ABCC4: variants seen among roughly 807,000 people sequenced by gnomAD.
ABCC4 encodes the protein ATP binding cassette subfamily C member 4 (PEL blood group).
Under a neutral mutation model 168.5 loss-of-function variants are expected in ABCC4, and 102 were observed. The observed-to-expected ratio is 0.61, with a 90% confidence interval of 0.52 to 0.71. ABCC4 has a LOEUF of 0.71. ABCC4 is among the 30% of genes least tolerant of loss of function. The pLI, the probability that ABCC4 is intolerant of heterozygous loss-of-function variation, is 0.00. For synonymous variants in ABCC4, 617 were observed against 590.7 expected (o/e 1.04, Z -0.65); for missense variants, 1,402 against 1,605.8 (o/e 0.87, Z 2.17).
At chr13:95,148,794 A>T (rs2036581863) in intron 19 of ABCC4, 1 of 152,178 alleles carries the variant, frequency 6.6e-6, no homozygotes, top group African/African-American at 2.4e-5. Context: ...TTTATCCAAA[A>T]ATGATGAGGT....
intron 19 of ABCC4, among the ~76,000 whole-genome samples, chr13:95,156,073 G>A (rs2036843872): frequency 6.6e-6 from 1 of 152,096 alleles, no homozygotes; most frequent in Admixed American, 6.6e-5. Flanking sequence ...TATGCTTCAG[G>A]AATTAAAATG....
rs116914720 is a variant in ABCC4 at position 95,233,741 on chromosome 13, A to G, written c.531+869T>C. Among the ~76,000 whole-genome samples the G allele has an allele frequency of 8.8e-3, 1,339 of 152,342 alleles. 9 individuals carry two copies. Among genetic ancestry groups the G allele is most frequent in the Non-Finnish European group, 0.014 (976 of 68,034 alleles). On this transcript the variant is annotated intron_variant, in intron 4 of 30. Transcript: ENST00000645237. ...TTATATACAAATACTATGCCACTTT[A>G]TATCAAGGACTTAAGCATCCTCCAA...
chr13:95,032,188 G>C (rs924984324), intron 30 of ABCC4, among the ~76,000 whole-genome samples: 3 of 152,176 alleles, frequency 2.0e-5, no homozygotes, highest in African/African-American at 7.2e-5. Flanking sequence ...TCAGAACACA[G>C]ATTTTTGTCG....
At chr13:95,093,455 C>A (rs1050684839) in intron 20 of ABCC4, among the ~76,000 whole-genome samples, 1 of 152,108 alleles carries the variant, frequency 6.6e-6, no homozygotes, top group Non-Finnish European at 1.5e-5. Flanking sequence ...ATAATCATCT[C>A]AATAGATGCA....
intron 24 of ABCC4, among the ~76,000 whole-genome samples, chr13:95,072,392 C>T (rs1751040): frequency 0.88 from 134,387 of 152,018 alleles, 60,064 homozygotes; most frequent in Non-Finnish European, 0.95. Flanking sequence ...ACCCGGGAGG[C>T]GGAGGTTGCA....
intron 14 of ABCC4, among the ~76,000 whole-genome samples, chr13:95,169,624 C>G (rs539584982): frequency 2.0e-5 from 3 of 152,170 alleles, no homozygotes; most frequent in Non-Finnish European, 4.4e-5. Context: ...CCTCAAGTCC[C>G]AGCGAGGCAA....
chr13:95,228,877 T>C (rs1024986175), intron 4 of ABCC4, among the ~76,000 whole-genome samples: 3 of 150,836 alleles, frequency 2.0e-5, no homozygotes, highest in Non-Finnish European at 4.4e-5. Context: ...CTGGGCAACA[T>C]AGGGAGACCC....
intron 25 of ABCC4, 80 bp from the exon 26 acceptor site, chr13:95,062,939 C>A: frequency 6.7e-7 from 1 of 1,500,170 alleles, no homozygotes; most frequent in South Asian, 1.3e-5. Context: ...AGAAAACTTT[C>A]GGTTTTTGAA....
At chr13:95,123,817 C>T (rs1298325251) in intron 19 of ABCC4, among the ~76,000 whole-genome samples, 2 of 152,232 alleles carry the variant, frequency 1.3e-5, no homozygotes, top group African/African-American at 4.8e-5. Flanking sequence ...ATGAGGAAGG[C>T]ACAACAGCAG....
intron 3 of ABCC4, among the ~76,000 whole-genome samples, chr13:95,245,411 G>A (rs554991810): frequency 3.9e-5 from 6 of 152,178 alleles, no homozygotes; most frequent in African/African-American, 7.2e-5. Context: ...AGCCAAACTG[G>A]GCCAGGAAAT....
chr13:95,074,649 C>T (rs1187776794), intron 22 of ABCC4, among the ~76,000 whole-genome samples: 3 of 152,134 alleles, frequency 2.0e-5, no homozygotes, highest in Admixed American at 6.5e-5. Context: ...GTGAAGTCCA[C>T]CCACACACAT....
At chr13:95,100,994 G>C (rs961199810) in intron 20 of ABCC4, among the ~76,000 whole-genome samples, 1 of 152,104 alleles carries the variant, frequency 6.6e-6, no homozygotes, top group Non-Finnish European at 1.5e-5. Flanking sequence ...ACAAGTCAAG[G>C]CAGTTCCACT....
chr13:95,133,921 T>G (rs1360556938), intron 19 of ABCC4, among the ~76,000 whole-genome samples: 1 of 152,198 alleles, frequency 6.6e-6, no homozygotes, highest in Non-Finnish European at 1.5e-5. Context: ...TCAATATTCT[T>G]GATCCCCACT....
At chr13:95,035,626 C>A (rs2032089015) in intron 29 of ABCC4, among the ~76,000 whole-genome samples, 1 of 152,136 alleles carries the variant, frequency 6.6e-6, no homozygotes, top group African/African-American at 2.4e-5. Flanking sequence ...CTTTTAGCTG[C>A]TTTATTGCTC....
At chr13:95,187,166 G>A (rs746988317) in intron 10 of ABCC4, among the ~76,000 whole-genome samples, 1 of 152,082 alleles carries the variant, frequency 6.6e-6, no homozygotes, top group Non-Finnish European at 1.5e-5. Context: ...AATGGTACAC[G>A]GAACAAAGAT....
chr13:95,084,318 G>T (rs1159637542), intron 20 of ABCC4, among the ~76,000 whole-genome samples: 1 of 152,196 alleles, frequency 6.6e-6, no homozygotes, highest in Non-Finnish European at 1.5e-5. Flanking sequence ...AGCATGCATT[G>T]TCAGCCACTA....
At chr13:95,194,737 G>C (rs913045670) in intron 9 of ABCC4, 99 bp downstream of exon 9, 2 of 862,478 alleles carry the variant, frequency 2.3e-6, no homozygotes, top group Non-Finnish European at 3.5e-6. Flanking sequence ...AAATAAGCAA[G>C]CCATATTTTA....
intron 20 of ABCC4, among the ~76,000 whole-genome samples, chr13:95,103,344 A>G (rs749719919): frequency 6.6e-6 from 1 of 152,220 alleles, no homozygotes; most frequent in African/African-American, 2.4e-5. Context: ...GGGAATTTTC[A>G]TGGCTCTGAT....
rs757608951 is a variant in ABCC4 at position 95,234,739 on chromosome 13, C to A, written c.402G>T (p.Ala134=). 1.9e-6 allele frequency: 3 copies of A among 1,613,956 alleles called. No homozygotes were observed. Residue 134 remains alanine, a synonymous_variant, in exon 4 of 31, where the codon GCG becomes GCT. Coordinates refer to ENST00000645237, the MANE Select transcript of ABCC4 (RefSeq NM_005845.5). ...DPMDSVALNT[A]YAYATVLTFC... Reference sequence around the variant, plus strand: ...AAGTCAGCACCGTGGCATAGGCGTACGCTGTGTTCAAAGCCACAGAATCCA... The same window carrying A: ...AAGTCAGCACCGTGGCATAGGCGTAAGCTGTGTTCAAAGCCACAGAATCCA...
Sources: gnomAD v4.1 joint callset for allele counts (sites outside exome capture counted in the v4.1 genomes callset) on GRCh38, gnomAD v4.1.1 for gene constraint, MANE v1.5 for transcripts, NCBI Gene and HGNC (gene_info 2026-07-23, HGNC 2026-07-21) for gene names.